OTOGL: variants seen among roughly 807,000 people sequenced by gnomAD.
The protein encoded by OTOGL is otogelin like.
OTOGL carries 285 observed loss-of-function variants against 318.5 expected under a neutral mutation model. The observed-to-expected ratio is 0.89, with a 90% CI of 0.81 to 0.99. The LOEUF (loss-of-function observed/expected upper bound fraction) is 0.99. Ranked by LOEUF, OTOGL falls within the 50% of genes least tolerant of loss-of-function variation. OTOGL has a pLI of 0.00. For missense variants in OTOGL, 2,899 were observed against 2,845.6 expected, an observed-to-expected ratio of 1.02 and a Z score of -0.43; for synonymous variants, 987 against 936.5, an observed-to-expected ratio of 1.05 and a Z score of -0.99.
chr12:80,132,094 A>G (rs1166541085), intron 1 of OTOGL: 2 of 152,114 alleles, frequency 1.3e-5, no homozygotes, highest in Non-Finnish European at 2.9e-5. Flanking sequence ...AGGCCCAGAA[A>G]TCTGTCTTTT....
intron 21 of OTOGL, among the ~76,000 whole-genome samples, 154 bp from the exon 22 acceptor site, chr12:80,267,099 C>A (rs529896119): frequency 1.1e-3 from 172 of 152,118 alleles, no homozygotes; most frequent in African/African-American, 3.6e-3. Flanking sequence ...GCAGCTTTTG[C>A]CATTTGTGTA....
At chr12:80,219,693 GGCTGAGA>G in intron 5 of OTOGL, 114 bp from the exon 6 acceptor site, 2 of 698,600 alleles carry the variant, frequency 2.9e-6, no homozygotes, top group Non-Finnish European at 5.0e-6. Context: ...CAAGGCAAGA[GGCTGAGA>G]GTTCTGTTTA....
chr12:80,108,655 G>T (rs1030995465), intron 1 of OTOGL, among the ~76,000 whole-genome samples: 1 of 150,316 alleles, frequency 6.7e-6, no homozygotes, highest in Non-Finnish European at 1.5e-5. Flanking sequence ...TAAATTGGTG[G>T]TTTTCTAATT....
chr12:80,153,019 T>A (rs999004788), intron 1 of OTOGL, among the ~76,000 whole-genome samples: 1 of 152,160 alleles, frequency 6.6e-6, no homozygotes, highest in Non-Finnish European at 1.5e-5. Flanking sequence ...TTAAATGAAA[T>A]AAGTACTTTA....
In OTOGL at chr12:80,209,528, AT is replaced by A; in HGVS notation, c.79+23del. The A allele has an allele frequency of 7.2e-7, 1 of 1,392,324 alleles. No homozygotes were observed. The highest frequency in any genetic ancestry group is 9.8e-7 in the Non-Finnish European group (1 of 1,025,306). 86.2% of individuals were successfully genotyped at this position (1,392,324 alleles called of 1,614,324 possible). On this transcript the variant is annotated intron_variant, in intron 2 of 58. Transcript: ENST00000547103. Reference sequence around the variant, plus strand: ...ATTACAAGGTAAGAACTCAGATTAAATTTTTATGTTAATTTATTGTATTTTT... The same window carrying A: ...ATTACAAGGTAAGAACTCAGATTAAATTTTATGTTAATTTATTGTATTTTT...
At chr12:80,299,391 G>A (rs1243403568) in intron 27 of OTOGL, among the ~76,000 whole-genome samples, 1 of 152,170 alleles carries the variant, frequency 6.6e-6, no homozygotes, top group African/African-American at 2.4e-5. Flanking sequence ...CATCTTTGAA[G>A]TGGTGATTGC....
At chr12:80,187,446 A>G (rs1875370527) in intron 1 of OTOGL, among the ~76,000 whole-genome samples, 3 of 152,308 alleles carry the variant, frequency 2.0e-5, no homozygotes, top group Non-Finnish European at 4.4e-5. Context: ...GAAGAGTAAT[A>G]CATTTTTAAG....
chr12:80,350,254 A>G (rs1889461271), intron 44 of OTOGL, among the ~76,000 whole-genome samples: 1 of 152,158 alleles, frequency 6.6e-6, no homozygotes, highest in South Asian at 2.1e-4. Flanking sequence ...TTAAAGTATA[A>G]ATAATATTCC....
At chr12:80,357,697 C>G (rs988475412) in intron 49 of OTOGL, among the ~76,000 whole-genome samples, 2 of 152,114 alleles carry the variant, frequency 1.3e-5, no homozygotes, top group African/African-American at 4.8e-5. Flanking sequence ...TGATATGTCT[C>G]TATATATGAC....
At chr12:80,280,990 C>G (rs1348990936) in intron 26 of OTOGL, among the ~76,000 whole-genome samples, 1 of 151,446 alleles carries the variant, frequency 6.6e-6, no homozygotes, top group Non-Finnish European at 1.5e-5. Context: ...GGATTTTGCT[C>G]TCAGCTTGAA....
In OTOGL at chr12:80,370,625, A is replaced by G; in HGVS notation, c.6671A>G (p.Glu2224Gly). Reference protein sequence around the residue: ...CTTYECVKTDEGAIILNYTMV... With the variant: ...CTTYECVKTDGGAIILNYTMV... ...ACATATGAATGTGTTAAAACTGATG[A>G]AGGAGCAATAATTCTGAACTACACA... The change falls in exon 56 of 59, where the codon GAA (glutamate) becomes GGA (glycine). Residue 2224 changes from glutamate to glycine, a missense_variant. Around this residue, in one of 3 missense-constraint regions of OTOGL, gnomAD observed 289 missense variants for 304.6 expected, o/e 0.95. Transcript: ENST00000547103. The G allele has an allele frequency of 6.3e-7, 1 of 1,590,344 alleles. No individual in the cohort carries two copies. Among genetic ancestry groups the G allele is most frequent in the Non-Finnish European group, 8.6e-7 (1 of 1,164,946 alleles).
At chr12:80,243,552 A>C (rs994943040) in intron 11 of OTOGL, among the ~76,000 whole-genome samples, 3 of 151,744 alleles carry the variant, frequency 2.0e-5, no homozygotes, top group Non-Finnish European at 4.4e-5. Flanking sequence ...GGTGAATACA[A>C]TAGAATTTCC....
At chr12:80,129,487 G>T (rs769955076) in intron 1 of OTOGL, among the ~76,000 whole-genome samples, 8 of 152,046 alleles carry the variant, frequency 5.3e-5, no homozygotes, top group East Asian at 1.9e-4. Context: ...ACAATAAGTT[G>T]GCTTTTAATG....
rs12316424 is a variant in OTOGL, at chr12:80,313,505, T to C, written c.3480T>C (p.Cys1160=). 20,923 of 1,612,322 alleles carry C rather than the reference T, an allele frequency of 0.013. 2,357 individuals are homozygous for C. In the African/African-American group the frequency reaches 0.24, roughly 19 times the overall value. Residue 1160 remains cysteine (C), a synonymous_variant, in exon 31 of 59, where the codon TGT becomes TGC. Coordinates refer to ENST00000547103, the MANE Select transcript of OTOGL (RefSeq NM_001378609.3). Reference sequence around the variant, plus strand: ...ACGTTACTTCTTTTGCCAAAAATTGTCATGAAGATACATGTAACTGCAATC... The same window carrying C: ...ACGTTACTTCTTTTGCCAAAAATTGCCATGAAGATACATGTAACTGCAATC... ...VIDVTSFAKN[C]HEDTCNCNLG...
At chr12:80,195,132 T>TA (rs1439800216) in intron 1 of OTOGL, among the ~76,000 whole-genome samples, 48 of 152,236 alleles carry the variant, frequency 3.2e-4, no homozygotes, top group South Asian at 2.1e-4. Context: ...CTATTATAAC[T>TA]AATCTTTGGA....
At chr12:80,118,033 G>A (rs977435072) in intron 1 of OTOGL, among the ~76,000 whole-genome samples, 1 of 152,124 alleles carries the variant, frequency 6.6e-6, no homozygotes, top group Admixed American at 6.5e-5. Context: ...TGCCAGTGAT[G>A]AGTCTCTTGC....
chr12:80,114,295 T>C (rs555967988), intron 1 of OTOGL, among the ~76,000 whole-genome samples: 1 of 152,324 alleles, frequency 6.6e-6, no homozygotes, highest in East Asian at 1.9e-4. Context: ...GGAGCTCTTG[T>C]TAGGCAGGTC....
In OTOGL at chr12:80,217,671, G is replaced by A. The variant is rs756695356; in HGVS notation, c.235+7G>A. On this transcript the variant is annotated splice_region_variant and intron_variant, in intron 5 of 58. Coordinates refer to ENST00000547103, the MANE Select transcript of OTOGL (RefSeq NM_001378609.3). ...GGTGAGAGCAAAATAAAAGGTCAGT[G>A]TTTATACTTAGGTTTTCATATTTGC... is the stretch of plus-strand genomic sequence containing the variant. The A allele has an allele frequency of 1.7e-5, 25 of 1,507,196 alleles. No homozygotes were observed. Among genetic ancestry groups the A allele is most frequent in the Non-Finnish European group, 2.1e-5 (23 of 1,111,466 alleles). The allele number at this position is 1,507,196 out of a possible 1,614,324, so 93.4% of individuals were successfully genotyped here.
chr12:80,182,617 A>G (rs931369365), intron 1 of OTOGL, among the ~76,000 whole-genome samples: 2 of 152,222 alleles, frequency 1.3e-5, no homozygotes, highest in Admixed American at 6.5e-5. Context: ...GCCTTCAAAG[A>G]AAGAAACACT....
Sources: allele counts gnomAD v4.1 joint callset (sites outside exome capture counted in the v4.1 genomes callset), GRCh38; gene constraint gnomAD v4.1.1; regional missense constraint gnomAD v4.1.1; transcripts MANE v1.5; gene names NCBI Gene and HGNC (gene_info 2026-07-23, HGNC 2026-07-21).